LYRM4: variants seen among roughly 807,000 people sequenced by gnomAD.
LYRM4 encodes the protein LYR motif containing 4.
LYRM4 carries 9 observed loss-of-function variants against 11.7 expected under a neutral mutation model. The observed-to-expected ratio is 0.77, with a 90% confidence interval of 0.46 to 1.34. The LOEUF (loss-of-function observed/expected upper bound fraction) is 1.34. LYRM4 is among the 40% of genes most tolerant of loss of function. The pLI is 0.00. For synonymous variants in LYRM4, 42 were observed against 40.4 expected (o/e 1.04, Z -0.15); for missense variants, 133 against 112.5 (o/e 1.18, Z -0.82).
intron 2 of LYRM4, among the ~76,000 whole-genome samples, chr6:5,126,362 C>A (rs986941426): frequency 6.6e-6 from 1 of 152,174 alleles, no homozygotes; most frequent in Non-Finnish European, 1.5e-5. Flanking sequence ...CTGGGGAGAT[C>A]GGCAGTGTAG....
chr6:5,123,891 C>T (rs963614347), intron 2 of LYRM4, among the ~76,000 whole-genome samples: 2 of 152,306 alleles, frequency 1.3e-5, no homozygotes, highest in South Asian at 2.1e-4. Context: ...GGGAGATGCA[C>T]GCACAGCTGC....
chr6:5,108,677 C>T lies in LYRM4; in HGVS notation c.*746G>A. The stretch of plus-strand genomic sequence containing the variant: ...GTGCTGCCCAGCATGCCCCAGGCTT[C>T]AGGGTATGGGAGTCGCCCTGGGCTT... On this transcript the variant is annotated 3_prime_UTR_variant, in exon 3 of 3. Transcript: ENST00000330636. 1 of 684,938 alleles carries T rather than the reference C, an allele frequency of 1.5e-6. No homozygotes were observed. Among genetic ancestry groups the T allele is most frequent in the Non-Finnish European group, 1.8e-6 (1 of 555,246 alleles). The allele number at this position is 684,938 out of a possible 1,614,324, so 42.4% of individuals were successfully genotyped here.
intron 2 of LYRM4, among the ~76,000 whole-genome samples, chr6:5,110,287 A>C (rs546704859): frequency 9.2e-6 from 1 of 108,110 alleles, no homozygotes; most frequent in African/African-American, 3.8e-5. Context: ...ATTCGGGGTG[A>C]GTAACTGCTG....
At chr6:5,181,318 G>A (rs1760060056) in intron 2 of LYRM4, among the ~76,000 whole-genome samples, 2 of 152,082 alleles carry the variant, frequency 1.3e-5, no homozygotes, top group Non-Finnish European at 2.9e-5. Context: ...GAGGACTCAC[G>A]TAGGAAACCC....
At chr6:5,184,328 C>T (rs567042811) in intron 2 of LYRM4, among the ~76,000 whole-genome samples, 7 of 152,302 alleles carry the variant, frequency 4.6e-5, no homozygotes, top group African/African-American at 1.7e-4. Flanking sequence ...TGGATAACCT[C>T]TCTTCCTTCT....
intron 2 of LYRM4, chr6:5,113,274 A>G: frequency 4.6e-6 from 2 of 434,616 alleles, no homozygotes; most frequent in South Asian, 3.3e-5. Flanking sequence ...CTCTACTAAA[A>G]ATATATAGGC....
the LYRM4 span, among the ~76,000 whole-genome samples, chr6:5,038,461 G>A: frequency 1.5e-5 from 1 of 68,496 alleles, no homozygotes; most frequent in Non-Finnish European, 3.5e-5. Context: ...AGGCAGAGAC[G>A]CTCCCCACTT....
chr6:5,112,778 G>A (rs1348901569), intron 2 of LYRM4, among the ~76,000 whole-genome samples: 1 of 152,218 alleles, frequency 6.6e-6, no homozygotes, highest in East Asian at 1.9e-4. Flanking sequence ...CTTCTCAGAG[G>A]AGACAGCCTC....
At chr6:5,222,663 T>C (rs115521572) in intron 1 of LYRM4, among the ~76,000 whole-genome samples, 509 of 152,082 alleles carry the variant, frequency 3.3e-3, no homozygotes, top group Non-Finnish European at 5.2e-3. Context: ...ATGCACTTGA[T>C]TGTATGTAAA....
At chr6:5,171,660 C>T (rs1162093197) in intron 2 of LYRM4, among the ~76,000 whole-genome samples, 1 of 152,108 alleles carries the variant, frequency 6.6e-6, no homozygotes, top group Non-Finnish European at 1.5e-5. Flanking sequence ...GCTTGTTAAC[C>T]AACCGTATAA....
At chr6:5,044,434 A>C in the LYRM4 span, among the ~76,000 whole-genome samples, 1 of 152,128 alleles carries the variant, frequency 6.6e-6, no homozygotes, top group Non-Finnish European at 1.5e-5. Flanking sequence ...CCCGGCTGAC[A>C]CACTGTTTTC....
rs566245755 is a variant in LYRM4, at chr6:5,222,306, G to GA, written c.87-5569dup. On this transcript the variant is annotated intron_variant, in intron 1 of 2. Coordinates refer to ENST00000330636, the MANE Select transcript of LYRM4 (RefSeq NM_020408.6). The stretch of plus-strand genomic sequence containing the variant: ...TAACCAATAATGAAAACAAAACAAT[G>GA]AAAAAAGGGTTTGCAGCAAAAAGAT... Among the ~76,000 whole-genome samples, 916 of 152,056 alleles carry GA rather than the reference G, an allele frequency of 6.0e-3. 11 individuals carry two copies. The highest frequency in any genetic ancestry group is 0.043 in the South Asian group (209 of 4,818).
At chr6:5,063,458 G>T in the LYRM4 span, among the ~76,000 whole-genome samples, 2 of 151,998 alleles carry the variant, frequency 1.3e-5, no homozygotes, top group Non-Finnish European at 1.5e-5. Flanking sequence ...TATCCTCCTG[G>T]TCTCCTTCCC....
At chr6:5,044,621 G>A in the LYRM4 span, among the ~76,000 whole-genome samples, 1 of 151,988 alleles carries the variant, frequency 6.6e-6, no homozygotes, top group Non-Finnish European at 1.5e-5. Flanking sequence ...TCCTTCCTCG[G>A]CCCTGATTAA....
chr6:5,145,967 G>A (rs1371617892), intron 2 of LYRM4, among the ~76,000 whole-genome samples: 1 of 152,110 alleles, frequency 6.6e-6, no homozygotes, highest in African/African-American at 2.4e-5. Flanking sequence ...TTTCTGCCTG[G>A]ACACTATGCC....
chr6:5,066,421 G>A, the LYRM4 span: 2 of 746,818 alleles, frequency 2.7e-6, no homozygotes, highest in South Asian at 1.4e-5. Context: ...ACTTTTAAAG[G>A]GCTGCCTGCT....
rs1431197404 is a variant in LYRM4 at position 5,243,230 on chromosome 6, G to A, written c.86+17418C>T. On this transcript the variant is annotated intron_variant, in intron 1 of 2. Coordinates refer to ENST00000330636, the MANE Select transcript of LYRM4 (RefSeq NM_020408.6). ...TGCTTTCTTTTATTTGCAGTGCCCC[G>A]TCACCGAGTCAGACAGTCAGGACTG... Among the ~76,000 whole-genome samples, 5 of 152,146 alleles carry A rather than the reference G, an allele frequency of 3.3e-5. No homozygotes were observed. The East Asian group carries it at 7.7e-4, about 23-fold the overall frequency.
chr6:5,161,360 A>G (rs1581408648), intron 2 of LYRM4, among the ~76,000 whole-genome samples: 2 of 152,222 alleles, frequency 1.3e-5, no homozygotes, highest in East Asian at 3.8e-4. Context: ...AGTAGGATCT[A>G]TCTTTAAAAG....
intron 2 of LYRM4, among the ~76,000 whole-genome samples, chr6:5,158,930 T>C (rs1211780963): frequency 1.3e-5 from 2 of 150,890 alleles, no homozygotes; most frequent in Non-Finnish European, 3.0e-5. Context: ...AGGTTCATAA[T>C]TGGACTGAAA....
Sources: allele counts gnomAD v4.1 joint callset (sites outside exome capture counted in the v4.1 genomes callset), GRCh38; gene constraint gnomAD v4.1.1; transcripts MANE v1.5; gene names NCBI Gene and HGNC (gene_info 2026-07-23, HGNC 2026-07-21).